The following DOCK8 variants were observed in gnomAD, a reference collection of about 807,000 sequenced individuals.
DOCK8 encodes the protein dedicator of cytokinesis 8, also known as dedicator of cytokinesis protein 8.
Under a neutral mutation model 245.6 loss-of-function variants are expected in DOCK8, and 141 were observed. That is an observed-to-expected ratio of 0.57 (90% CI 0.50 to 0.66). The LOEUF (loss-of-function observed/expected upper bound fraction) is 0.66, where lower values mean the gene tolerates loss of function less well. Ranked by LOEUF, DOCK8 falls within the 30% of genes least tolerant of loss-of-function variation. DOCK8 has a pLI of 0.00. For synonymous variants in DOCK8, 1,168 were observed against 970.2 expected (o/e 1.20, Z -3.79); for missense variants, 2,965 against 2,603.4 (o/e 1.14, Z -3.02).
At chr9:328,826 C>CA (rs1193763233) in intron 9 of DOCK8, among the ~76,000 whole-genome samples, 1 of 150,952 alleles carries the variant, frequency 6.6e-6, no homozygotes, top group East Asian at 1.9e-4. Flanking sequence ...AGGCTATACT[C>CA]TTTGCTGTTG....
rs2051502640 is a variant in DOCK8, at chr9:340,056, TTTG to T, written c.1517-100_1517-98del. On this transcript the variant is annotated intron_variant, in intron 13 of 47. Coordinates refer to ENST00000432829, the MANE Select transcript of DOCK8 (RefSeq NM_203447.4). ...CCAAAACTTTTTTACAGTACTATAG[TTTG>T]TTCTTATTTTCATGAAAGAAACACA... The T allele has an allele frequency of 3.2e-5, 44 of 1,376,718 alleles. No individual in the cohort carries two copies. The South Asian group carries it at 5.3e-4, about 16-fold the overall frequency. The allele number at this position is 1,376,718 out of a possible 1,614,324, so 85.3% of individuals were successfully genotyped here. A position where few individuals can be genotyped will look rare whatever the true frequency, so the allele number is the denominator to read the frequency against.
At chr9:417,559 G>T (rs1025856347) in intron 29 of DOCK8, among the ~76,000 whole-genome samples, 4 of 151,996 alleles carry the variant, frequency 2.6e-5, no homozygotes, top group African/African-American at 9.7e-5. Context: ...ACGGTTTATC[G>T]TTTTTTTGCT....
intron 1 of DOCK8, chr9:215,297 C>T (rs1446846442): frequency 2.5e-6 from 4 of 1,607,294 alleles, no homozygotes; most frequent in Non-Finnish European, 3.4e-6. Flanking sequence ...CCCCGAACAA[C>T]CTCGCCCGCT....
At chr9:370,176 T>C (rs2053219827) in intron 15 of DOCK8, 54 bp from the exon 16 acceptor site, 1 of 1,448,646 alleles carries the variant, frequency 6.9e-7, no homozygotes, top group South Asian at 1.1e-5. Context: ...TGATAGTCAA[T>C]TTGATGTACC....
chr9:214,748 C>T (rs549052303), upstream of DOCK8: 9 of 1,524,170 alleles, frequency 5.9e-6, no homozygotes, highest in Admixed American at 1.5e-4. Flanking sequence ...CCTCGCCCGC[C>T]GCTGCCTGCG....
At chr9:391,015 GT>G (rs1415647689) in intron 24 of DOCK8, among the ~76,000 whole-genome samples, 1 of 152,122 alleles carries the variant, frequency 6.6e-6, no homozygotes, top group Non-Finnish European at 1.5e-5. Context: ...TGATTCTGTT[GT>G]TTTCCTCCCT....
At chr9:316,891 G>A (rs749286354) in intron 6 of DOCK8, 152 bp from the exon 7 acceptor site, 1 of 685,038 alleles carries the variant, frequency 1.5e-6, no homozygotes, top group Non-Finnish European at 2.6e-6. Context: ...GGTTGGAAGA[G>A]AAACTTTCTT....
Position 386,389 on chromosome 9 carries a change from C to G in DOCK8, c.2837C>G (p.Pro946Arg), listed in dbSNP as rs775217254. ...TATTGCTCTGGCAGTAGTGATGCTC[C>G]AAGTTCACCTGCAGCCCCAAGGCCA... ...SYYCSGSSDA[P>R]SSPAAPRPAS... Residue 946 changes from proline to arginine, a missense_variant, in exon 23 of 48, where the codon CCA becomes CGA. Pro to Arg is a moderately radical substitution (Grantham distance 103). This residue lies in a region of DOCK8 where 2,825 missense variants were observed against 2,453.5 expected (regional missense o/e 1.15). Transcript: ENST00000432829. 6.2e-7 allele frequency: 1 copy of G among 1,613,918 alleles called. No homozygotes were observed. The highest frequency in any genetic ancestry group is 2.2e-5 in the East Asian group (1 of 44,878).
At chr9:313,458 A>G (rs1423539930) in intron 6 of DOCK8, among the ~76,000 whole-genome samples, 1 of 152,182 alleles carries the variant, frequency 6.6e-6, no homozygotes, top group Non-Finnish European at 1.5e-5. Context: ...TTCCTCATCT[A>G]TTTTTATTTT....
intron 4 of DOCK8, among the ~76,000 whole-genome samples, chr9:302,929 A>G (rs1211103294): frequency 1.3e-5 from 2 of 151,950 alleles, no homozygotes; most frequent in Non-Finnish European, 2.9e-5. Context: ...GGAGGTTGAG[A>G]CCAGCCTGTG....
intron 1 of DOCK8, among the ~76,000 whole-genome samples, chr9:229,858 G>C (rs898232454): frequency 1.3e-5 from 2 of 149,782 alleles, no homozygotes; most frequent in African/African-American, 4.9e-5. Flanking sequence ...AACAAATTAG[G>C]GGTTTATTTT....
At chr9:400,013 T>TCACCACCACCTCCACCATCACCACCAC (rs2054691419) in intron 26 of DOCK8, among the ~76,000 whole-genome samples, 1 of 45,704 alleles carries the variant, frequency 2.2e-5, no homozygotes, top group African/African-American at 1.0e-4. Context: ...ACCTCCACCA[T>TCACCACCACCTCCACCATCACCACCAC]CACCACCACC....
intron 1 of DOCK8, among the ~76,000 whole-genome samples, chr9:249,260 C>T (rs11794758): frequency 0.072 from 10,976 of 152,234 alleles, 449 homozygotes; most frequent in African/African-American, 0.11. Flanking sequence ...CAAGGTGCCA[C>T]GCCCAGTTCT....
At chr9:285,425 G>T (rs1305876326) in intron 2 of DOCK8, among the ~76,000 whole-genome samples, 1 of 152,112 alleles carries the variant, frequency 6.6e-6, no homozygotes, top group Non-Finnish European at 1.5e-5. Flanking sequence ...TGTTTTGTTG[G>T]TCCACTGGAG....
intron 12 of DOCK8, among the ~76,000 whole-genome samples, chr9:338,056 A>C (rs2051400302): frequency 6.6e-6 from 1 of 152,084 alleles, no homozygotes; most frequent in Admixed American, 6.5e-5. Context: ...TGGGAGGCTG[A>C]GGCTGGAGAA....
rs533492555 is a variant in DOCK8 at position 429,755 on chromosome 9, C to G, written c.4527C>G (p.His1509Gln). Reference protein sequence around the residue: ...EEVEQCFDLCHQVLHHCSSSM... With the variant: ...EEVEQCFDLCQQVLHHCSSSM... ...TGGAACAGTGTTTCGACCTATGTCA[C>G]CAAGTCCTGCACCACTGCAGCAGCA... is the stretch of plus-strand genomic sequence containing the variant. The change falls in exon 36 of 48, where the codon CAC becomes CAG. Residue 1509 changes from histidine (H) to glutamine (Q), a missense_variant. His to Gln is a conservative substitution (Grantham distance 24, BLOSUM62 0). Around this residue, in one of 3 missense-constraint regions of DOCK8, gnomAD observed 2,825 missense variants for 2,453.5 expected, o/e 1.15. Transcript: ENST00000432829. 17 of 1,614,158 alleles carry G rather than the reference C, an allele frequency of 1.1e-5. 1 individual carries two copies. The highest frequency in any genetic ancestry group is 3.3e-4 in the Middle Eastern group (2 of 6,062).
chr9:443,609 C>T, intron 43 of DOCK8, 93 bp downstream of exon 43: 1 of 1,021,120 alleles, frequency 9.8e-7, no homozygotes, highest in Non-Finnish European at 1.5e-6. Context: ...TCTGGACTCT[C>T]CAAGTCACTT....
intron 1 of DOCK8, among the ~76,000 whole-genome samples, chr9:231,083 G>A (rs1259675701): frequency 6.6e-6 from 1 of 152,144 alleles, no homozygotes; most frequent in South Asian, 2.1e-4. Flanking sequence ...TTTGTATAAG[G>A]TGTAAGGAAG....
At chr9:267,810 C>T (rs895191370) in intron 1 of DOCK8, among the ~76,000 whole-genome samples, 1 of 152,106 alleles carries the variant, frequency 6.6e-6, no homozygotes, top group East Asian at 1.9e-4. Context: ...ATGTGGGATG[C>T]TTTGGTTATT....
Sources: allele counts gnomAD v4.1 joint callset (sites outside exome capture counted in the v4.1 genomes callset), GRCh38; gene constraint gnomAD v4.1.1; regional missense constraint gnomAD v4.1.1; transcripts MANE v1.5; gene names NCBI Gene and HGNC (gene_info 2026-07-23, HGNC 2026-07-21).